USP34: variants seen among roughly 807,000 people sequenced by gnomAD.
USP34 encodes the protein ubiquitin carboxyl-terminal hydrolase 34.
A neutral mutation model predicts 460.3 loss-of-function variants in USP34; 70 were observed. That is an observed-to-expected ratio of 0.15 (90% CI 0.13 to 0.19). USP34 has a LOEUF of 0.19. Ranked by LOEUF, USP34 falls within the 10% of genes least tolerant of loss-of-function variation. The probability of loss-of-function intolerance (pLI) is 1.00; values close to 1 mark genes in which losing one functional copy is unlikely to be tolerated. For synonymous variants in USP34, 1,647 were observed against 1,405.3 expected, an observed-to-expected ratio of 1.17 and a Z score of -3.85; for missense variants, 3,985 against 4,236.2, an observed-to-expected ratio of 0.94 and a Z score of 1.65.
intron 28 of USP34, 31 bp downstream of exon 28, chr2:61,301,323 T>G (rs778645114): frequency 1.2e-6 from 2 of 1,604,264 alleles, no homozygotes; most frequent in South Asian, 2.2e-5. Context: ...AAACAGATCA[T>G]TAAAACTCAA....
At chr2:61,363,371 T>A (rs1403768803) in intron 10 of USP34, among the ~76,000 whole-genome samples, 1 of 152,166 alleles carries the variant, frequency 6.6e-6, no homozygotes, top group Non-Finnish European at 1.5e-5. Context: ...CACGATCTTG[T>A]GTGGCTTCAG....
At chr2:61,345,014 T>A (rs1691720946) in intron 15 of USP34, among the ~76,000 whole-genome samples, 1 of 152,092 alleles carries the variant, frequency 6.6e-6, no homozygotes, top group Admixed American at 6.6e-5. Flanking sequence ...GGCTCACACC[T>A]GTAATCCCAG....
At chr2:61,277,268 C>T (rs1689399306) in intron 41 of USP34, among the ~76,000 whole-genome samples, 1 of 146,786 alleles carries the variant, frequency 6.8e-6, no homozygotes, top group African/African-American at 2.5e-5. Flanking sequence ...ACACGTTCTC[C>T]TTCTGTCACC....
chr2:61,237,617 G>C (rs139452727), intron 53 of USP34, among the ~76,000 whole-genome samples: 2 of 141,524 alleles, frequency 1.4e-5, no homozygotes, highest in Non-Finnish European at 3.0e-5. Flanking sequence ...ACCTGGGCTG[G>C]AGTGCAGCAG....
chr2:61,458,617 A>T (rs1427168148), intron 1 of USP34, among the ~76,000 whole-genome samples: 1 of 82,988 alleles, frequency 1.2e-5, no homozygotes, highest in Non-Finnish European at 2.2e-5. Context: ...AAAGAAGGCA[A>T]AAAGGAAAAA....
At chr2:61,232,858 A>AT (rs1558480470) in intron 57 of USP34, among the ~76,000 whole-genome samples, 1 of 39,984 alleles carries the variant, frequency 2.5e-5, no homozygotes, top group Non-Finnish European at 5.6e-5. Context: ...ATATATATAT[A>AT]TTCCCCCCCC....
intron 41 of USP34, among the ~76,000 whole-genome samples, chr2:61,271,759 T>G (rs1689221779): frequency 6.6e-6 from 1 of 152,158 alleles, no homozygotes; most frequent in African/African-American, 2.4e-5. Flanking sequence ...GATGACAGAT[T>G]ATTATGCAGC....
intron 32 of USP34, 100 bp downstream of exon 32, chr2:61,294,844 AATAGT>A: frequency 1.1e-6 from 1 of 900,610 alleles, no homozygotes; most frequent in Non-Finnish European, 1.7e-6. Context: ...GCTTTATTTT[AATAGT>A]ATATTAGTTT....
At position 61,211,789 on chromosome 2, in the gene USP34, G is replaced by A; in HGVS notation, c.8823C>T (p.Cys2941=). Residue 2941 remains cysteine (C), a synonymous_variant, in exon 69 of 80, where the codon TGC becomes TGT. Transcript: ENST00000398571. The stretch of plus-strand genomic sequence containing the variant: ...CTTTTTACCTTATTAAAGTAGTCCA[G>A]CAGGAGCGGCCATCTAAGCAACGTA... ...CYLRCLDGRS[C]WTTLISAFRI... The A allele has an allele frequency of 1.3e-6, 2 of 1,587,320 alleles. No individual in the cohort carries two copies. The highest frequency in any genetic ancestry group is 1.7e-6 in the Non-Finnish European group (2 of 1,171,820).
At chr2:61,444,749 G>A (rs1209403665) in intron 1 of USP34, among the ~76,000 whole-genome samples, 1 of 152,062 alleles carries the variant, frequency 6.6e-6, no homozygotes, top group African/African-American at 2.4e-5. Flanking sequence ...TGAGCCCTAT[G>A]CAAATCAGAC....
chr2:61,388,702 G>A (rs1338315290), intron 5 of USP34, among the ~76,000 whole-genome samples: 1 of 151,920 alleles, frequency 6.6e-6, no homozygotes, highest in Admixed American at 6.6e-5. Flanking sequence ...CTTGCAGTGA[G>A]CTGAGATCAC....
intron 41 of USP34, among the ~76,000 whole-genome samples, chr2:61,277,363 A>G (rs1689402196): frequency 6.6e-6 from 1 of 151,674 alleles, no homozygotes; most frequent in Admixed American, 6.6e-5. Flanking sequence ...CAGCCTCCTG[A>G]GTAGCTGAGA....
chr2:61,295,045 C>A lies in USP34; in HGVS notation c.4378-13G>T. 6 of 1,603,592 alleles carry A rather than the reference C, an allele frequency of 3.7e-6. No individual in the cohort carries two copies. Among genetic ancestry groups the A allele is most frequent in the Non-Finnish European group, 4.2e-6 (5 of 1,176,864 alleles). The stretch of plus-strand genomic sequence containing the variant: ...CACTGTAACTTCCCTATGAGAAAGG[C>A]AAAAAAAGTAAGGCAGAATGGCGGA... On this transcript the variant is annotated splice_polypyrimidine_tract_variant and intron_variant, in intron 31 of 79. Coordinates refer to ENST00000398571, the MANE Select transcript of USP34 (RefSeq NM_014709.4).
chr2:61,334,796 T>C (rs984046515), intron 18 of USP34, among the ~76,000 whole-genome samples: 2 of 152,150 alleles, frequency 1.3e-5, no homozygotes, highest in Non-Finnish European at 2.9e-5. Flanking sequence ...AGTAGGAATG[T>C]AGAAATAAGA....
At chr2:61,386,034 G>A (rs1693134897) in intron 5 of USP34, among the ~76,000 whole-genome samples, 1 of 151,268 alleles carries the variant, frequency 6.6e-6, no homozygotes. Flanking sequence ...CAGGGAGGTA[G>A]TACTTGCTTT....
At chr2:61,266,385 A>G (rs1689047106) in intron 41 of USP34, among the ~76,000 whole-genome samples, 1 of 152,168 alleles carries the variant, frequency 6.6e-6, no homozygotes, top group Non-Finnish European at 1.5e-5. Flanking sequence ...GATACCTAAT[A>G]AGCTCATTCT....
chr2:61,265,366 A>G, intron 43 of USP34, 31 bp downstream of exon 43: 1 of 1,580,214 alleles, frequency 6.3e-7, no homozygotes. Flanking sequence ...CTGGTTTATA[A>G]TTTTGATTTT....
intron 27 of USP34, among the ~76,000 whole-genome samples, chr2:61,301,958 G>A (rs1022798578): frequency 2.0e-5 from 3 of 151,786 alleles, no homozygotes; most frequent in Admixed American, 6.6e-5. Flanking sequence ...AAAAGAGAGG[G>A]AAGGAAAGGA....
In USP34 at chr2:61,192,910, G is replaced by A. The variant is rs749333056; in HGVS notation, c.9579C>T (p.Cys3193=). The A allele has an allele frequency of 6.2e-7, 1 of 1,613,368 alleles. No individual in the cohort carries two copies. Residue 3193 remains cysteine, a synonymous_variant, in exon 76 of 80, where the codon TGC becomes TGT. Transcript: ENST00000398571. ...ALFPKLWTEL[C]QTQSAMSKNC... ...AACTCATTTTCTTTACCTGAGTCTG[G>A]CATAGCTCAGTCCAAAGTTTGGGGA...
Sources: allele counts gnomAD v4.1 joint callset (sites outside exome capture counted in the v4.1 genomes callset), GRCh38; gene constraint gnomAD v4.1.1; transcripts MANE v1.5; gene names NCBI Gene and HGNC (gene_info 2026-07-23, HGNC 2026-07-21).